Variants in FER observed in about 807,000 individuals in gnomAD.
FER encodes FER tyrosine kinase, also known as tyrosine-protein kinase Fer.
In FER, 63 loss-of-function variants were observed where a neutral mutation model predicts 111.0. The ratio of observed to expected loss-of-function variants is 0.57; its 90% CI spans 0.46 to 0.70. The LOEUF is 0.70. FER is among the 30% of genes least tolerant of loss of function. The probability of loss-of-function intolerance (pLI) is 0.00; values close to 1 mark genes in which losing one functional copy is unlikely to be tolerated. For missense variants in FER, 914 were observed against 954.0 expected, an observed-to-expected ratio of 0.96 and a Z score of 0.55; for synonymous variants, 327 against 313.9, an observed-to-expected ratio of 1.04 and a Z score of -0.44.
At chr5:108,755,725 A>C (rs1016313530) in intron 1 of FER, among the ~76,000 whole-genome samples, 1 of 151,370 alleles carries the variant, frequency 6.6e-6, no homozygotes, top group Non-Finnish European at 1.5e-5. Context: ...ACCTCAGGTG[A>C]TCCACCCGCC....
In FER at chr5:109,189,837, AC is replaced by A. The variant is rs1759250232; in HGVS notation, c.*2263del. 1 of 152,194 alleles carries A rather than the reference AC, an allele frequency of 6.6e-6. No homozygotes were observed. The allele number at this position is 152,194 out of a possible 1,614,324, so 9.4% of individuals were successfully genotyped here. The stretch of plus-strand genomic sequence containing the variant: ...TGACATTCTGGTGTTAAGAATGAAC[AC>A]AGCATTGATATTTCACTTATCCAGG... On this transcript the variant is annotated 3_prime_UTR_variant, in exon 20 of 20. Coordinates refer to ENST00000281092, the MANE Select transcript of FER (RefSeq NM_005246.4).
chr5:109,173,762 C>G (rs980266723), intron 17 of FER, among the ~76,000 whole-genome samples: 2 of 147,552 alleles, frequency 1.4e-5, no homozygotes, highest in African/African-American at 2.5e-5. Flanking sequence ...TACCTCCCCC[C>G]CCCCCACAAG....
chr5:109,092,483 T>C (rs931354056), intron 16 of FER, among the ~76,000 whole-genome samples: 2 of 151,994 alleles, frequency 1.3e-5, no homozygotes, highest in African/African-American at 2.4e-5. Context: ...AAGGAAGATA[T>C]ACACATAGAT....
At chr5:108,767,093 C>T (rs1752400295) in intron 1 of FER, among the ~76,000 whole-genome samples, 1 of 152,090 alleles carries the variant, frequency 6.6e-6, no homozygotes, top group African/African-American at 2.4e-5. Context: ...CACCTGAGGT[C>T]AGGAATTCGA....
chr5:108,842,990 A>G (rs1291435791), intron 5 of FER: 1 of 152,272 alleles, frequency 6.6e-6, no homozygotes, highest in Non-Finnish European at 1.5e-5. Flanking sequence ...AAATCGTGGA[A>G]CCAACCCAAA....
chr5:108,791,561 A>G (rs1386750825), intron 2 of FER, among the ~76,000 whole-genome samples: 13 of 140,922 alleles, frequency 9.2e-5, no homozygotes, highest in Admixed American at 7.1e-4. Flanking sequence ...ACATATGTGT[A>G]TATACATATA....
chr5:108,817,453 C>T (rs1332830502), intron 3 of FER, among the ~76,000 whole-genome samples: 1 of 152,098 alleles, frequency 6.6e-6, no homozygotes, highest in East Asian at 1.9e-4. Context: ...ATGCATTCTT[C>T]ATGGAATTTT....
intron 1 of FER, among the ~76,000 whole-genome samples, chr5:108,755,165 A>G (rs1178165777): frequency 2.0e-5 from 3 of 152,200 alleles, no homozygotes; most frequent in Admixed American, 6.5e-5. Context: ...GCATTACATT[A>G]TTTGTATACA....
intron 13 of FER, among the ~76,000 whole-genome samples, chr5:108,968,107 G>T (rs936028434): frequency 1.3e-5 from 2 of 152,208 alleles, no homozygotes; most frequent in Non-Finnish European, 2.9e-5. Flanking sequence ...TGCTAAAAGT[G>T]GCCGGGCACA....
Position 108,835,755 on chromosome 5 carries a change from A to G in FER, c.429A>G (p.Leu143=). 6.4e-7 allele frequency: 1 copy of G among 1,571,832 alleles called. No homozygotes were observed. The highest frequency in any genetic ancestry group is 8.6e-7 in the Non-Finnish European group (1 of 1,166,570). Residue 143 remains leucine, a synonymous_variant, in exon 5 of 20, where the codon TTA becomes TTG. Transcript: ENST00000281092. Reference sequence around the variant, plus strand: ...AGTTAAAATGCAGCTATAGACAATTAATAAAAGAAATGAATTCTGCCAAAG... The same window carrying G: ...AGTTAAAATGCAGCTATAGACAATTGATAAAAGAAATGAATTCTGCCAAAG... The part of the protein sequence containing the change: ...LEKLKCSYRQ[L]IKEMNSAKEK...
At chr5:109,171,943 C>T (rs1307230373) in intron 17 of FER, among the ~76,000 whole-genome samples, 1 of 152,166 alleles carries the variant, frequency 6.6e-6, no homozygotes, top group Non-Finnish European at 1.5e-5. Flanking sequence ...GATACCATCT[C>T]ACACCAGTTA....
intron 10 of FER, among the ~76,000 whole-genome samples, chr5:108,940,764 C>G (rs967675197): frequency 1.3e-5 from 2 of 152,054 alleles, no homozygotes; most frequent in African/African-American, 4.8e-5. Context: ...AGAGATACTT[C>G]AGATGAAATC....
rs60242248 is a variant in FER, at chr5:108,894,965, A to G, written c.1047-2694A>G. Among the ~76,000 whole-genome samples the G allele has an allele frequency of 2.5e-3, 385 of 152,282 alleles. 3 individuals are homozygous for G. The highest frequency in any genetic ancestry group is 6.4e-3 in the African/African-American group (264 of 41,562). ...TGAGATTTGGGTGAGGACACAGCCA[A>G]ATCATATCGGGCTATTCAGGTTCCC... is the stretch of plus-strand genomic sequence containing the variant. On this transcript the variant is annotated intron_variant, in intron 9 of 19. Coordinates refer to ENST00000281092, the MANE Select transcript of FER (RefSeq NM_005246.4).
At chr5:109,071,348 T>C (rs1293804742) in intron 16 of FER, among the ~76,000 whole-genome samples, 1 of 152,066 alleles carries the variant, frequency 6.6e-6, no homozygotes, top group East Asian at 1.9e-4. Flanking sequence ...ATAATTAGAC[T>C]GACCTTATGG....
chr5:109,123,249 G>A (rs181716765), intron 17 of FER, among the ~76,000 whole-genome samples: 114 of 146,526 alleles, frequency 7.8e-4, no homozygotes, highest in Middle Eastern at 3.6e-3. Flanking sequence ...TCCGCCTCCC[G>A]GGTTCACGCC....
intron 2 of FER, chr5:108,785,640 G>A: frequency 2.9e-6 from 1 of 350,666 alleles, no homozygotes; most frequent in Non-Finnish European, 5.6e-6. Context: ...GTGAAGGAGA[G>A]TGTTTCCCCT....
At chr5:109,008,059 T>A (rs141554392) in intron 13 of FER, among the ~76,000 whole-genome samples, 1 of 152,360 alleles carries the variant, frequency 6.6e-6, no homozygotes, top group East Asian at 1.9e-4. Flanking sequence ...TGTGGTTATT[T>A]GTGATCTGTA....
chr5:109,104,403 A>C (rs1748628297), intron 17 of FER, among the ~76,000 whole-genome samples: 1 of 152,226 alleles, frequency 6.6e-6, no homozygotes, highest in Admixed American at 6.5e-5. Flanking sequence ...CAATTTTGTG[A>C]TAAAATCTAC....
chr5:108,967,027 G>T (rs1168145437), intron 13 of FER, among the ~76,000 whole-genome samples: 9 of 152,174 alleles, frequency 5.9e-5, no homozygotes, highest in Non-Finnish European at 8.8e-5. Context: ...CAGTCACTTT[G>T]TAAGCCACGG....
Sources: gnomAD v4.1 joint callset for allele counts (sites outside exome capture counted in the v4.1 genomes callset) on GRCh38, gnomAD v4.1.1 for gene constraint, MANE v1.5 for transcripts, NCBI Gene and HGNC (gene_info 2026-07-23, HGNC 2026-07-21) for gene names.